CA12: variants seen among roughly 807,000 people sequenced by gnomAD.
CA12 encodes the protein carbonate dehydratase XII.
In CA12, 36 loss-of-function variants were observed where a neutral mutation model predicts 46.8. That is an observed-to-expected ratio of 0.77 (90% CI 0.59 to 1.02). The LOEUF is 1.02. Among genes scored for constraint, CA12 ranks in the 50% least tolerant of loss-of-function variants. CA12 has a pLI of 0.00. For synonymous variants in CA12, 202 were observed against 187.0 expected (o/e 1.08, Z -0.65); for missense variants, 436 against 451.4 (o/e 0.97, Z 0.31).
intron 8 of CA12, among the ~76,000 whole-genome samples, chr15:63,334,549 C>T (rs946950603): frequency 6.6e-6 from 1 of 151,822 alleles, no homozygotes; most frequent in African/African-American, 2.4e-5. Context: ...GAGCCACACC[C>T]AGCCAATGGA....
rs12902541 is a variant in CA12, at chr15:63,322,817, T to C, written c.*3468A>G. 9,739 of 152,312 alleles carry C rather than the reference T, an allele frequency of 0.064. 407 individuals carry two copies. The highest frequency in any genetic ancestry group is 0.15 in the Middle Eastern group (43 of 294). 9.4% of individuals were successfully genotyped at this position (152,312 alleles called of 1,614,324 possible). A position where few individuals can be genotyped will look rare whatever the true frequency, so the allele number is the denominator to read the frequency against. On this transcript the variant is annotated 3_prime_UTR_variant, in exon 11 of 11. Transcript: ENST00000178638. This position sits in a 1 kb window ranked among gnomAD's most constrained non-coding sequence, Gnocchi z 4.1. ...AGAAGCATCCTGTGTTCTAGCAGAG[T>C]ACAGACCATCAGAAATGTTTCAATT...
rs2039070424 is a variant in CA12, at chr15:63,340,904, C to A, written c.526-121G>T. 1 of 784,998 alleles carries A rather than the reference C, an allele frequency of 1.3e-6. No homozygotes were observed. The highest frequency in any genetic ancestry group is 1.7e-5 in the African/African-American group (1 of 58,990). 48.6% of individuals were successfully genotyped at this position (784,998 alleles called of 1,614,324 possible). The stretch of plus-strand genomic sequence containing the variant: ...TTGCCACCACTGCCTGAAGGATCCA[C>A]TTTACTGGACAATTATGATGGATCA... On this transcript the variant is annotated intron_variant, in intron 5 of 10. Coordinates refer to ENST00000178638, the MANE Select transcript of CA12 (RefSeq NM_001218.5). The surrounding 1 kb of genome is among the most constrained non-coding windows in gnomAD (Gnocchi z 4.4).
chr15:63,353,174 A>G (rs1404443831), intron 2 of CA12, among the ~76,000 whole-genome samples: 2 of 152,158 alleles, frequency 1.3e-5, no homozygotes, highest in African/African-American at 2.4e-5. Flanking sequence ...GCAATCTGCA[A>G]TGAGCGCTGC....
chr15:63,361,362 C>T (rs1595788281), intron 2 of CA12, among the ~76,000 whole-genome samples: 2 of 152,338 alleles, frequency 1.3e-5, no homozygotes, highest in East Asian at 3.9e-4. Flanking sequence ...GTTGCCCCAC[C>T]TGTGATGTTA....
intron 8 of CA12, among the ~76,000 whole-genome samples, chr15:63,332,182 G>A (rs2152611262): frequency 6.6e-6 from 1 of 152,308 alleles, no homozygotes; most frequent in African/African-American, 2.4e-5. Flanking sequence ...AGAGAGTCAA[G>A]AAACTGCAAA....
rs1428529770 is a variant in CA12 at position 63,374,163 on chromosome 15, C to T, written c.106+1495G>A. On this transcript the variant is annotated intron_variant, in intron 2 of 10. Transcript: ENST00000178638. This position sits in a 1 kb window ranked among gnomAD's most constrained non-coding sequence, Gnocchi z 4.4. Reference sequence around the variant, plus strand: ...GGGAAAGGCCTGCCCTGACCCTCCACACCTCCCCTGTTTGACCCAGCCTAT... The same window carrying T: ...GGGAAAGGCCTGCCCTGACCCTCCATACCTCCCCTGTTTGACCCAGCCTAT... 2.6e-5 allele frequency among the ~76,000 whole-genome samples: 4 copies of T among 152,114 alleles called. No individual in the cohort carries two copies. The East Asian group carries it at 7.7e-4, about 29-fold the overall frequency.
chr15:63,350,274 C>T (rs1184709936), intron 2 of CA12, among the ~76,000 whole-genome samples: 1 of 152,150 alleles, frequency 6.6e-6, no homozygotes. Flanking sequence ...CTTTCTGTTC[C>T]CTGAGCTGTG....
intron 2 of CA12, among the ~76,000 whole-genome samples, chr15:63,352,916 C>T (rs148373865): frequency 7.6e-4 from 116 of 152,188 alleles, no homozygotes; most frequent in East Asian, 2.9e-3. Flanking sequence ...CAATAAAAAA[C>T]GAGTACTCAA....
chr15:63,338,705 G>A (rs1044501827), intron 8 of CA12, 114 bp downstream of exon 8: 38 of 1,406,774 alleles, frequency 2.7e-5, no homozygotes, highest in Non-Finnish European at 3.5e-5. Context: ...GGCAGCCAGG[G>A]AGCTCTCAGC....
rs2039129057 is a variant in CA12, at chr15:63,345,150, C to G, written c.429+327G>C. On this transcript the variant is annotated intron_variant, in intron 4 of 10. Transcript: ENST00000178638. This position sits in a 1 kb window ranked among gnomAD's most constrained non-coding sequence, Gnocchi z 4.3. The stretch of plus-strand genomic sequence containing the variant: ...GTGTGAGTCAGCAGGAGATTTTTAT[C>G]TGCACAGATAGGAAGGCAATGTCTA... 6.6e-6 allele frequency among the ~76,000 whole-genome samples: 1 copy of G among 152,218 alleles called. No individual in the cohort carries two copies. The highest frequency in any genetic ancestry group is 6.5e-5 in the Admixed American group (1 of 15,284).
Position 63,355,648 on chromosome 15 carries a change from C to T in CA12, c.107-8939G>A, listed in dbSNP as rs1282537300. Reference sequence around the variant, plus strand: ...ACACTGAAGTGTTCAACAAACAGCTCTTGAACTAAGCAACAAACAACAGCA... The same window carrying T: ...ACACTGAAGTGTTCAACAAACAGCTTTTGAACTAAGCAACAAACAACAGCA... On this transcript the variant is annotated intron_variant, in intron 2 of 10. Coordinates refer to ENST00000178638, the MANE Select transcript of CA12 (RefSeq NM_001218.5). This position sits in a 1 kb window ranked among gnomAD's most constrained non-coding sequence, Gnocchi z 4.1. Among the ~76,000 whole-genome samples the T allele has an allele frequency of 6.6e-6, 1 of 152,206 alleles. No homozygotes were observed. The highest frequency in any genetic ancestry group is 1.5e-5 in the Non-Finnish European group (1 of 68,038).
rs144821522 is a variant in CA12, at chr15:63,378,313, G to A, written c.86-2635C>T. Among the ~76,000 whole-genome samples the A allele has an allele frequency of 0.011, 1,719 of 152,236 alleles. 45 individuals are homozygous for A. Among genetic ancestry groups the A allele is most frequent in the African/African-American group, 0.039 (1,620 of 41,542 alleles). On this transcript the variant is annotated intron_variant, in intron 1 of 10. Coordinates refer to ENST00000178638, the MANE Select transcript of CA12 (RefSeq NM_001218.5). This position sits in a 1 kb window ranked among gnomAD's most constrained non-coding sequence, Gnocchi z 4.8. ...TGAGGCAGGAGAATTGCTTGAACCC[G>A]GGAGGCGGAGGTTGCAGTGAGCTGA...
intron 2 of CA12, among the ~76,000 whole-genome samples, chr15:63,368,548 A>T (rs578007372): frequency 6.6e-6 from 1 of 152,228 alleles, no homozygotes; most frequent in African/African-American, 2.4e-5. Context: ...TACTTGAAAG[A>T]TTTATTTTGA....
At chr15:63,379,892 G>A (rs1164857202) in intron 1 of CA12, among the ~76,000 whole-genome samples, 2 of 152,208 alleles carry the variant, frequency 1.3e-5, no homozygotes. Flanking sequence ...TTCTCCAGAA[G>A]ACACTTGACT....
chr15:63,364,520 G>A (rs1567052755), intron 2 of CA12, among the ~76,000 whole-genome samples: 1 of 152,076 alleles, frequency 6.6e-6, no homozygotes, highest in East Asian at 1.9e-4. Context: ...GTATGTGTGA[G>A]TACAGACACA....
chr15:63,326,254 T>A lies in CA12; in HGVS notation c.*31A>T. On this transcript the variant is annotated 3_prime_UTR_variant, in exon 11 of 11. Transcript: ENST00000178638. ...GTGTGTAGGGTCCAAAGCAAGGTCC[T>A]TCCTGGATGTGCCCGGGAGCTCCGG... 6.3e-7 allele frequency: 1 copy of A among 1,590,854 alleles called. No homozygotes were observed. Among genetic ancestry groups the A allele is most frequent in the Non-Finnish European group, 8.6e-7 (1 of 1,158,850 alleles).
At chr15:63,380,054 G>A (rs773888801) in intron 1 of CA12, among the ~76,000 whole-genome samples, 6 of 152,158 alleles carry the variant, frequency 3.9e-5, no homozygotes, top group Non-Finnish European at 7.3e-5. Flanking sequence ...GGTTCATGCT[G>A]ACATTCTACA....
chr15:63,347,842 C>G (rs1175983373), intron 2 of CA12, among the ~76,000 whole-genome samples: 1 of 152,050 alleles, frequency 6.6e-6, no homozygotes, highest in African/African-American at 2.4e-5. Flanking sequence ...TCTGGGGGTC[C>G]GTTCATCAGT....
chr15:63,335,241 T>G (rs1029480903), intron 8 of CA12, among the ~76,000 whole-genome samples: 8 of 152,144 alleles, frequency 5.3e-5, no homozygotes, highest in African/African-American at 1.9e-4. Flanking sequence ...AAGTTGTCAG[T>G]AGTGCTAAGG....
Sources: gnomAD v4.1 joint callset for allele counts (sites outside exome capture counted in the v4.1 genomes callset) on GRCh38, gnomAD v4.1.1 for gene constraint, Gnocchi (gnomAD v3.1) non-coding constraint, MANE v1.5 for transcripts, NCBI Gene and HGNC (gene_info 2026-07-23, HGNC 2026-07-21) for gene names.